KIF5B: variants seen among roughly 807,000 people sequenced by gnomAD.
KIF5B encodes kinesin family member 5B.
KIF5B carries 49 observed loss-of-function variants against 132.8 expected under a neutral mutation model. The ratio of observed to expected loss-of-function variants is 0.37; its 90% CI spans 0.29 to 0.47. KIF5B has a LOEUF of 0.47. Ranked by LOEUF, KIF5B falls within the 20% of genes least tolerant of loss-of-function variation. The probability of loss-of-function intolerance (pLI) is 1.00; values close to 1 mark genes in which losing one functional copy is unlikely to be tolerated. For synonymous variants in KIF5B, 355 were observed against 369.4 expected, an observed-to-expected ratio of 0.96 and a Z score of 0.45; for missense variants, 780 against 1,144.0, an observed-to-expected ratio of 0.68 and a Z score of 4.59.
Position 32,021,143 on chromosome 10 carries a change from G to C in KIF5B, c.2095-12C>G, listed in dbSNP as rs1424900553. On this transcript the variant is annotated splice_polypyrimidine_tract_variant and intron_variant, in intron 18 of 25. Coordinates refer to ENST00000302418, the MANE Select transcript of KIF5B (RefSeq NM_004521.3). Reference sequence around the variant, plus strand: ...TGTTCAACAGCTTGCTAAAATTTTGGGGGGGAAAAGGATGTTAAAGTCAGA... The same window carrying C: ...TGTTCAACAGCTTGCTAAAATTTTGCGGGGGAAAAGGATGTTAAAGTCAGA... The C allele has an allele frequency of 5.6e-6, 9 of 1,609,506 alleles. No individual in the cohort carries two copies. Among genetic ancestry groups the C allele is most frequent in the Non-Finnish European group, 7.7e-6 (9 of 1,176,294 alleles).
At chr10:32,045,187 A>ACTC (rs1841593596) in intron 2 of KIF5B, among the ~76,000 whole-genome samples, 1 of 152,182 alleles carries the variant, frequency 6.6e-6, no homozygotes, top group Non-Finnish European at 1.5e-5. Flanking sequence ...AGGATATACA[A>ACTC]GAGAAGAGAC....
intron 17 of KIF5B, 42 bp from the exon 18 acceptor site, chr10:32,021,329 TA>T (rs754001766): frequency 5.1e-5 from 72 of 1,425,546 alleles, no homozygotes; most frequent in Non-Finnish European, 2.0e-6. Flanking sequence ...AATAAGCCTT[TA>T]AGGTTCCTCA....
At chr10:32,026,881 G>C (rs1049985133) in intron 15 of KIF5B, among the ~76,000 whole-genome samples, 2 of 152,170 alleles carry the variant, frequency 1.3e-5, no homozygotes, top group African/African-American at 4.8e-5. Flanking sequence ...TGTTCAGACT[G>C]ATGGTGAAGG....
In KIF5B at chr10:32,037,451, T is replaced by C. The variant is rs1248407671; in HGVS notation, c.586+69A>G. ...TAACAATTTCCCTGAAGCAATCTTA[T>C]AATTAATCACCTGGATAAGGATATT... On this transcript the variant is annotated intron_variant, in intron 7 of 25. Transcript: ENST00000302418. 1.9e-6 allele frequency: 3 copies of C among 1,591,920 alleles called. No homozygotes were observed. Among genetic ancestry groups the C allele is most frequent in the African/African-American group, 2.7e-5 (2 of 74,376 alleles).
chr10:32,043,458 A>G (rs1008760463), intron 2 of KIF5B, among the ~76,000 whole-genome samples: 4 of 152,194 alleles, frequency 2.6e-5, no homozygotes, highest in African/African-American at 9.7e-5. Context: ...CCACTGTACT[A>G]TATACTCAAG....
Position 32,033,913 on chromosome 10 carries a change from A to G in KIF5B, c.1237T>C (p.Phe413Leu). 2.5e-6 allele frequency: 4 copies of G among 1,613,374 alleles called. No individual in the cohort carries two copies. Among genetic ancestry groups the G allele is most frequent in the Non-Finnish European group, 3.4e-6 (4 of 1,179,652 alleles). Residue 413 changes from phenylalanine (F) to leucine (L), a missense_variant, in exon 12 of 26, where the codon TTT becomes CTT. By Grantham distance (22) the Phe-to-Leu change is conservative. This residue lies in a region of KIF5B where 471 missense variants were observed against 569.9 expected (regional missense o/e 0.83). Coordinates refer to ENST00000302418, the MANE Select transcript of KIF5B (RefSeq NM_004521.3). The stretch of plus-strand genomic sequence containing the variant: ...CACTTTCTTCTTTCAGCATCAGTAA[A>G]ATTTCCTATAACTCCAATTGCGGTT... ...PATAIGVIGNFTDAERRKCEE... is the reference protein window; with the variant it reads ...PATAIGVIGNLTDAERRKCEE...
intron 2 of KIF5B, among the ~76,000 whole-genome samples, chr10:32,044,601 G>T (rs1841585570): frequency 1.3e-5 from 2 of 152,130 alleles, no homozygotes; most frequent in Non-Finnish European, 2.9e-5. Context: ...GAACCCGGGA[G>T]GCGGAGGTAG....
intron 1 of KIF5B, among the ~76,000 whole-genome samples, chr10:32,053,179 A>G (rs1841714674): frequency 1.3e-5 from 2 of 152,206 alleles, no homozygotes. Flanking sequence ...AGTAAAATGA[A>G]AAAACCAAAC....
Position 32,033,543 on chromosome 10 carries a change from ACT to A in KIF5B, c.1305+300_1305+301del, listed in dbSNP as rs558401505. Among the ~76,000 whole-genome samples, 61 of 152,244 alleles carry A rather than the reference ACT, an allele frequency of 4.0e-4. No individual in the cohort carries two copies. In the East Asian group the frequency reaches 0.011, roughly 28 times the overall value. On this transcript the variant is annotated intron_variant, in intron 12 of 25. Transcript: ENST00000302418. ...TCTCCCCGACCTGATCCACGGAAAA[ACT>A]GTCTTCCCTGAAACCAGTCCCTGGT...
chr10:32,038,234 A>C lies in KIF5B; in HGVS notation c.443-16T>G, dbSNP rs1262364868. On this transcript the variant is annotated splice_polypyrimidine_tract_variant and intron_variant, in intron 5 of 25. Coordinates refer to ENST00000302418, the MANE Select transcript of KIF5B (RefSeq NM_004521.3). ...GTCTTTGAAACTGAGAAAGAAAAAC[A>C]AATGTTAGCAACATTCTCCTAAAAC... 19 of 1,579,340 alleles carry C rather than the reference A, an allele frequency of 1.2e-5. No individual in the cohort carries two copies. Among genetic ancestry groups the C allele is most frequent in the Non-Finnish European group, 1.6e-5 (18 of 1,151,902 alleles).
chr10:32,024,497 C>T (rs1010733843), intron 15 of KIF5B, among the ~76,000 whole-genome samples: 3 of 150,598 alleles, frequency 2.0e-5, no homozygotes, highest in African/African-American at 7.3e-5. Context: ...GGTACGGTGG[C>T]TCACGCCTGT....
intron 3 of KIF5B, among the ~76,000 whole-genome samples, chr10:32,039,735 T>C (rs1841507561): frequency 6.6e-6 from 1 of 152,204 alleles, no homozygotes; most frequent in East Asian, 1.9e-4. Flanking sequence ...TTCCATATAA[T>C]TCTACATTGT....
intron 15 of KIF5B, among the ~76,000 whole-genome samples, chr10:32,025,003 G>A (rs944512219): frequency 6.6e-6 from 1 of 152,128 alleles, no homozygotes; most frequent in Non-Finnish European, 1.5e-5. Flanking sequence ...CTTGAACCCA[G>A]GAGGCGGAGG....
At chr10:32,017,399 A>C in intron 23 of KIF5B, 40 bp from the exon 24 acceptor site, 1 of 1,480,264 alleles carries the variant, frequency 6.8e-7, no homozygotes, top group Non-Finnish European at 9.3e-7. Flanking sequence ...CAGATTTAAC[A>C]GGATGACTTG....
In KIF5B at chr10:32,010,855, A is replaced by G. The variant is rs182705183; in HGVS notation, c.*682T>C. ...AACTCGGCAACAGGCATTTCATGAGATAACAAGTAGCCTTGCTCAGTCTCA... is the reference window on the plus strand; with the variant it reads ...AACTCGGCAACAGGCATTTCATGAGGTAACAAGTAGCCTTGCTCAGTCTCA... On this transcript the variant is annotated 3_prime_UTR_variant, in exon 26 of 26. Coordinates refer to ENST00000302418, the MANE Select transcript of KIF5B (RefSeq NM_004521.3). 5.1e-4 allele frequency: 78 copies of G among 152,322 alleles called. No individual in the cohort carries two copies. Among genetic ancestry groups the G allele is most frequent in the African/African-American group, 1.8e-3 (76 of 41,590 alleles). The allele number at this position is 152,322 out of a possible 1,614,324, so 9.4% of individuals were successfully genotyped here.
chr10:32,045,850 G>A (rs765251462), intron 2 of KIF5B, among the ~76,000 whole-genome samples: 27 of 152,142 alleles, frequency 1.8e-4, no homozygotes, highest in Admixed American at 3.3e-4. Context: ...CTAGCCAATC[G>A]TATAGGTAAG....
chr10:32,044,972 GAA>G (rs1841590931), intron 2 of KIF5B, among the ~76,000 whole-genome samples: 1 of 152,134 alleles, frequency 6.6e-6, no homozygotes, highest in Non-Finnish European at 1.5e-5. Flanking sequence ...TTTGAGAAAA[GAA>G]GAGAAATTTC....
At position 32,021,136 on chromosome 10, in the gene KIF5B, A is replaced by G; in HGVS notation, c.2095-5T>C. On this transcript the variant is annotated splice_polypyrimidine_tract_variant and splice_region_variant and intron_variant, in intron 18 of 25. Transcript: ENST00000302418. ...GATCTGCTGTTCAACAGCTTGCTAA[A>G]ATTTTGGGGGGGAAAAGGATGTTAA... is the stretch of plus-strand genomic sequence containing the variant. 1.2e-6 allele frequency: 2 copies of G among 1,612,216 alleles called. No homozygotes were observed. Among genetic ancestry groups the G allele is most frequent in the Non-Finnish European group, 1.7e-6 (2 of 1,178,462 alleles).
chr10:32,014,162 C>T (rs1841124714), intron 25 of KIF5B, among the ~76,000 whole-genome samples: 1 of 152,132 alleles, frequency 6.6e-6, no homozygotes. Context: ...AATTATTAGG[C>T]AACCACTAAC....
Sources: allele counts gnomAD v4.1 joint callset (sites outside exome capture counted in the v4.1 genomes callset), GRCh38; gene constraint gnomAD v4.1.1; regional missense constraint gnomAD v4.1.1; transcripts MANE v1.5; gene names NCBI Gene and HGNC (gene_info 2026-07-23, HGNC 2026-07-21).